NAA25: variants seen among roughly 807,000 people sequenced by gnomAD.
The protein encoded by NAA25 is N-terminal acetyltransferase B complex subunit NAA25.
In NAA25, 30 loss-of-function variants were observed where a neutral mutation model predicts 132.5. The ratio of observed to expected loss-of-function variants is 0.23; its 90% CI spans 0.17 to 0.31. NAA25 has a LOEUF of 0.31. NAA25 is among the 10% of genes least tolerant of loss of function. The probability of loss-of-function intolerance (pLI) is 1.00; values close to 1 mark genes in which losing one functional copy is unlikely to be tolerated. For synonymous variants in NAA25, 359 were observed against 401.9 expected, an observed-to-expected ratio of 0.89 and a Z score of 1.28; for missense variants, 771 against 1,150.4, an observed-to-expected ratio of 0.67 and a Z score of 4.77.
intron 2 of NAA25, among the ~76,000 whole-genome samples, chr12:112,092,681 CCT>C (rs1491404218): frequency 2.7e-5 from 4 of 149,428 alleles, no homozygotes; most frequent in East Asian, 2.5e-4. Context: ...TTCTCCCCCC[CCT>C]TTTTTTTTTT....
At chr12:112,104,772 C>T (rs1393837480) in intron 1 of NAA25, among the ~76,000 whole-genome samples, 1 of 151,394 alleles carries the variant, frequency 6.6e-6, no homozygotes. Flanking sequence ...GAAGGTGGAG[C>T]TTGCAGTGAG....
At position 112,028,833 on chromosome 12, in the gene NAA25, G is replaced by C. The variant is rs900317335; in HGVS notation, c.*698C>G. On this transcript the variant is annotated 3_prime_UTR_variant, in exon 24 of 24. Transcript: ENST00000261745. ...CCCTCTAAACAGCTATAAATTAACA[G>C]AGCCTTCCTTGCCTTCTTACCTGAG... 1 of 152,194 alleles carries C rather than the reference G, an allele frequency of 6.6e-6. No individual in the cohort carries two copies. The highest frequency in any genetic ancestry group is 1.5e-5 in the Non-Finnish European group (1 of 68,058). 9.4% of individuals were successfully genotyped at this position (152,194 alleles called of 1,614,324 possible). A position where few individuals can be genotyped will look rare whatever the true frequency, so the allele number is the denominator to read the frequency against.
At position 112,028,016 on chromosome 12, in the gene NAA25, C is replaced by G. The variant is rs1024821406; in HGVS notation, c.*1515G>C. On this transcript the variant is annotated 3_prime_UTR_variant, in exon 24 of 24. Coordinates refer to ENST00000261745, the MANE Select transcript of NAA25 (RefSeq NM_024953.4). Reference sequence around the variant, plus strand: ...GTAATGTAGTAATTGTTTAAAATTTCCTTGGAAGTTTAAGCACTGTATCAA... The same window carrying G: ...GTAATGTAGTAATTGTTTAAAATTTGCTTGGAAGTTTAAGCACTGTATCAA... 1 of 152,132 alleles carries G rather than the reference C, an allele frequency of 6.6e-6. No homozygotes were observed. Among genetic ancestry groups the G allele is most frequent in the Non-Finnish European group, 1.5e-5 (1 of 68,014 alleles). The allele number at this position is 152,132 out of a possible 1,614,324, so 9.4% of individuals were successfully genotyped here.
At chr12:112,105,115 T>A (rs1438123531) in intron 1 of NAA25, among the ~76,000 whole-genome samples, 1 of 150,488 alleles carries the variant, frequency 6.6e-6, no homozygotes, top group Non-Finnish European at 1.5e-5. Context: ...AGCTCAGGAG[T>A]TCGAGACCAG....
intron 1 of NAA25, among the ~76,000 whole-genome samples, chr12:112,093,896 T>G (rs2136933636): frequency 6.6e-6 from 1 of 151,988 alleles, no homozygotes; most frequent in African/African-American, 2.4e-5. Context: ...AAACTTTTTT[T>G]TTTAATTTAA....
chr12:112,091,189 G>A (rs902479747), intron 2 of NAA25, among the ~76,000 whole-genome samples: 7 of 151,722 alleles, frequency 4.6e-5, no homozygotes, highest in African/African-American at 1.7e-4. Flanking sequence ...TCGAGCCCGG[G>A]AGGTTGATCA....
intron 18 of NAA25, 49 bp from the exon 19 acceptor site, chr12:112,043,260 A>G (rs754220994): frequency 6.6e-7 from 1 of 1,521,336 alleles, no homozygotes; most frequent in Non-Finnish European, 8.8e-7. Context: ...ATCTAAATGC[A>G]TACAAAATAA....
At position 112,033,657 on chromosome 12, in the gene NAA25, C is replaced by A. The variant is rs1007523763; in HGVS notation, c.2650-278G>T. On this transcript the variant is annotated intron_variant, in intron 22 of 23. Coordinates refer to ENST00000261745, the MANE Select transcript of NAA25 (RefSeq NM_024953.4). Reference sequence around the variant, plus strand: ...TAGGTAACAACTTCTGCAATCATGACACTGACAGCTGAAAAACCCTTTCTA... The same window carrying A: ...TAGGTAACAACTTCTGCAATCATGAAACTGACAGCTGAAAAACCCTTTCTA... 4.2e-5 allele frequency: 9 copies of A among 214,576 alleles called. No homozygotes were observed. In the South Asian group the frequency reaches 1.5e-3, roughly 37 times the overall value. 13.3% of individuals were successfully genotyped at this position (214,576 alleles called of 1,614,324 possible).
chr12:112,040,253 A>C lies in NAA25; in HGVS notation c.2538+228T>G, dbSNP rs191010915. ...AATCTGGGGAAGTTTAGAGATGAGTACAGCAAATTTCAAGAAGTTTTACCT... is the reference window on the plus strand; with the variant it reads ...AATCTGGGGAAGTTTAGAGATGAGTCCAGCAAATTTCAAGAAGTTTTACCT... On this transcript the variant is annotated intron_variant, in intron 21 of 23. Transcript: ENST00000261745. 4.2e-4 allele frequency: 169 copies of C among 401,802 alleles called. 1 individual carries two copies. The Admixed American group carries it at 7.0e-3, about 17-fold the overall frequency. 24.9% of individuals were successfully genotyped at this position (401,802 alleles called of 1,614,324 possible). A position where few individuals can be genotyped will look rare whatever the true frequency, so the allele number is the denominator to read the frequency against.
At chr12:112,088,079 T>C (rs2079079862) in intron 3 of NAA25, among the ~76,000 whole-genome samples, 1 of 152,202 alleles carries the variant, frequency 6.6e-6, no homozygotes, top group Non-Finnish European at 1.5e-5. Flanking sequence ...CCACAAACTA[T>C]TTGTAGTTCC....
At chr12:112,060,598 G>A (rs2078613682) in intron 12 of NAA25, among the ~76,000 whole-genome samples, 2 of 152,156 alleles carry the variant, frequency 1.3e-5, no homozygotes, top group African/African-American at 4.8e-5. Flanking sequence ...TATCCATGAT[G>A]GTCCCAAAGG....
chr12:112,029,790 A>G, intron 23 of NAA25, 137 bp from the exon 24 acceptor site: 15 of 1,238,158 alleles, frequency 1.2e-5, no homozygotes, highest in Non-Finnish European at 1.5e-5. Flanking sequence ...GGTCATTTTC[A>G]ATTGCATAAA....
chr12:112,029,526 C>CT lies in NAA25; in HGVS notation c.*4dup. The CT allele has an allele frequency of 1.9e-6, 3 of 1,613,748 alleles. No individual in the cohort carries two copies. The highest frequency in any genetic ancestry group is 2.5e-6 in the Non-Finnish European group (3 of 1,179,816). Reference sequence around the variant, plus strand: ...GAGTCATCAGTGCCCATGATAGATACTTCCTTAAATTTTTAGTTTCTTTGT... The same window carrying CT: ...GAGTCATCAGTGCCCATGATAGATACTTTCCTTAAATTTTTAGTTTCTTTGT... On this transcript the variant is annotated 3_prime_UTR_variant, in exon 24 of 24. Coordinates refer to ENST00000261745, the MANE Select transcript of NAA25 (RefSeq NM_024953.4).
At chr12:112,071,844 C>G in intron 10 of NAA25, 51 bp downstream of exon 10, 3 of 1,115,274 alleles carry the variant, frequency 2.7e-6, no homozygotes, top group Non-Finnish European at 3.4e-6. Context: ...GAATATAGCA[C>G]TTGGGTATTA....
chr12:112,047,776 G>A lies in NAA25; in HGVS notation c.1895C>T (p.Ala632Val). The change falls in exon 17 of 24, where the codon GCA becomes GTA. Residue 632 changes from alanine to valine, a missense_variant. Physicochemically the swap from Ala to Val is moderately conservative, Grantham distance 64. Coordinates refer to ENST00000261745, the MANE Select transcript of NAA25 (RefSeq NM_024953.4). Reference sequence around the variant, plus strand: ...AAGGTTCATTGACTTTATACTTTCTGCTAAACTGGTTGATCTGTGATAGAG... The same window carrying A: ...AAGGTTCATTGACTTTATACTTTCTACTAAACTGGTTGATCTGTGATAGAG... ...LLEANISTSL[A>V]ESIKSMNLRP... The A allele has an allele frequency of 6.2e-7, 1 of 1,607,448 alleles. No homozygotes were observed. The highest frequency in any genetic ancestry group is 8.5e-7 in the Non-Finnish European group (1 of 1,177,894).
chr12:112,059,752 G>C (rs1020196173), intron 13 of NAA25, among the ~76,000 whole-genome samples: 1 of 151,340 alleles, frequency 6.6e-6, no homozygotes, highest in African/African-American at 2.4e-5. Flanking sequence ...CTTAAAAACA[G>C]AACAGATATC....
chr12:112,028,307 A>G lies in NAA25; in HGVS notation c.*1224T>C, dbSNP rs1219878079. The G allele has an allele frequency of 6.6e-6, 1 of 152,608 alleles. No individual in the cohort carries two copies. Among genetic ancestry groups the G allele is most frequent in the African/African-American group, 2.4e-5 (1 of 41,456 alleles). The allele number at this position is 152,608 out of a possible 1,614,324, so 9.5% of individuals were successfully genotyped here. ...ACCAAAAACAGAAGCAGGGATTTAAACAGAAAAATATTATCAAAGAAACTG... is the reference window on the plus strand; with the variant it reads ...ACCAAAAACAGAAGCAGGGATTTAAGCAGAAAAATATTATCAAAGAAACTG... On this transcript the variant is annotated 3_prime_UTR_variant, in exon 24 of 24. Coordinates refer to ENST00000261745, the MANE Select transcript of NAA25 (RefSeq NM_024953.4).
At chr12:112,084,167 A>G (rs922919357) in intron 4 of NAA25, among the ~76,000 whole-genome samples, 2 of 152,212 alleles carry the variant, frequency 1.3e-5, no homozygotes, top group Non-Finnish European at 1.5e-5. Flanking sequence ...CACCATATGA[A>G]TAACTAGCTA....
chr12:112,032,281 T>A (rs559278923), intron 23 of NAA25, among the ~76,000 whole-genome samples: 150 of 152,280 alleles, frequency 9.9e-4, no homozygotes, highest in African/African-American at 3.4e-3. Flanking sequence ...CTGCTTTTTT[T>A]AATCAATCTT....
Sources: allele counts gnomAD v4.1 joint callset (sites outside exome capture counted in the v4.1 genomes callset), GRCh38; gene constraint gnomAD v4.1.1; transcripts MANE v1.5; gene names NCBI Gene and HGNC (gene_info 2026-07-23, HGNC 2026-07-21).